The following FAT3 variants were observed in gnomAD, a reference collection of about 807,000 sequenced individuals.
FAT3 encodes the protein protocadherin Fat 3.
In FAT3, 95 loss-of-function variants were observed where a neutral mutation model predicts 310.2. That is an observed-to-expected ratio of 0.31 (90% CI 0.26 to 0.36). The LOEUF is 0.36. FAT3 is among the 10% of genes least tolerant of loss of function. The pLI is 1.00. For synonymous variants in FAT3, 2,314 were observed against 2,192.9 expected (o/e 1.06, Z -1.54); for missense variants, 5,408 against 5,715.6 (o/e 0.95, Z 1.74).
At chr11:92,882,444 C>G (rs902777833) in intron 23 of FAT3, among the ~76,000 whole-genome samples, 1 of 152,154 alleles carries the variant, frequency 6.6e-6, no homozygotes, top group African/African-American at 2.4e-5. Context: ...CTCCTCTCCT[C>G]TCCCACCTCA....
At position 92,880,805 on chromosome 11, in the gene FAT3, C is replaced by T. The variant is rs267603245; in HGVS notation, c.12202C>T (p.Pro4068Ser). The change falls in exon 23 of 28, where the codon CCC becomes TCC. Residue 4068 changes from proline to serine, a missense_variant. Pro to Ser is a moderately conservative substitution (Grantham distance 74). Coordinates refer to ENST00000525166, the MANE Select transcript of FAT3 (RefSeq NM_001367949.2). The part of the protein sequence containing the change: ...ESEITACFPN[P>S]CRNGGSCDPI... The stretch of plus-strand genomic sequence containing the variant: ...TGAGATTACAGCCTGCTTCCCAAAC[C>T]CCTGCCGGAATGGAGGATCCTGCGA... 3 of 1,613,912 alleles carry T rather than the reference C, an allele frequency of 1.9e-6. No homozygotes were observed. Among genetic ancestry groups the T allele is most frequent in the Non-Finnish European group, 2.5e-6 (3 of 1,179,866 alleles).
chr11:92,416,899 AGAT>A (rs898046432), intron 2 of FAT3, among the ~76,000 whole-genome samples: 3 of 152,180 alleles, frequency 2.0e-5, no homozygotes, highest in African/African-American at 4.8e-5. Context: ...TGGTTGGAGC[AGAT>A]GATGATGAGC....
intron 2 of FAT3, among the ~76,000 whole-genome samples, chr11:92,500,196 T>A (rs1952893502): frequency 6.6e-6 from 1 of 152,044 alleles, no homozygotes; most frequent in Non-Finnish European, 1.5e-5. Flanking sequence ...GTCACACATA[T>A]CATATATTTA....
intron 3 of FAT3, among the ~76,000 whole-genome samples, chr11:92,674,182 A>AAATAATAAT (rs550101493): frequency 0.058 from 8,240 of 140,886 alleles, 286 homozygotes; most frequent in Non-Finnish European, 0.079. Context: ...CTCCATCTCA[A>AAATAATAAT]AATAATAATA....
intron 3 of FAT3, among the ~76,000 whole-genome samples, chr11:92,649,893 A>ATATATATG (rs1446181677): frequency 6.6e-5 from 4 of 60,854 alleles, no homozygotes; most frequent in African/African-American, 2.4e-4. Context: ...ATATATATAT[A>ATATATATG]TATATATATA....
At chr11:92,296,023 A>G (rs1946837872) in intron 1 of FAT3, among the ~76,000 whole-genome samples, 1 of 152,064 alleles carries the variant, frequency 6.6e-6, no homozygotes, top group South Asian at 2.1e-4. Flanking sequence ...GATAGAAGCT[A>G]AGACTAGAGG....
chr11:92,610,571 A>T (rs1940515606), intron 3 of FAT3, among the ~76,000 whole-genome samples: 1 of 152,126 alleles, frequency 6.6e-6, no homozygotes, highest in Non-Finnish European at 1.5e-5. Context: ...CAGGCTTCAG[A>T]GATCCCTCCT....
At chr11:92,441,751 T>A (rs1951068309) in intron 2 of FAT3, among the ~76,000 whole-genome samples, 1 of 152,116 alleles carries the variant, frequency 6.6e-6, no homozygotes, top group Non-Finnish European at 1.5e-5. Context: ...CAAGCCTAAG[T>A]GGACCTAGGT....
At chr11:92,707,293 A>G (rs1347846593) in intron 4 of FAT3, among the ~76,000 whole-genome samples, 6 of 152,180 alleles carry the variant, frequency 3.9e-5, no homozygotes, top group Admixed American at 3.9e-4. Context: ...CTGCTCACCC[A>G]TGGTGCACAG....
At chr11:92,864,108 G>T (rs777773677) in intron 21 of FAT3, among the ~76,000 whole-genome samples, 9 of 152,212 alleles carry the variant, frequency 5.9e-5, no homozygotes, top group African/African-American at 2.2e-4. Context: ...ATGTTCTTCA[G>T]TTATAGAACT....
chr11:92,543,710 C>A (rs1214406015), intron 3 of FAT3, among the ~76,000 whole-genome samples: 1 of 152,172 alleles, frequency 6.6e-6, no homozygotes, highest in Non-Finnish European at 1.5e-5. Context: ...CAGAAGTAAG[C>A]TAAATTCAAC....
intron 2 of FAT3, among the ~76,000 whole-genome samples, chr11:92,486,360 ATTTTGTTGTCC>A (rs1043792803): frequency 2.0e-5 from 3 of 151,358 alleles, no homozygotes; most frequent in African/African-American, 7.3e-5. Flanking sequence ...TTGGAGGCAC[ATTTTGTTGTCC>A]TTTTTTTTTA....
At chr11:92,697,536 G>T in intron 4 of FAT3, 91 bp downstream of exon 4, 1 of 1,198,482 alleles carries the variant, frequency 8.3e-7, no homozygotes. Flanking sequence ...CAATATATTT[G>T]AACAGTGGAT....
intron 3 of FAT3, among the ~76,000 whole-genome samples, chr11:92,667,503 A>T (rs985582591): frequency 6.6e-6 from 1 of 152,158 alleles, no homozygotes; most frequent in African/African-American, 2.4e-5. Context: ...TTCCTTTAGG[A>T]TAAAGGCCAT....
chr11:92,767,397 C>G (rs1048130916), intron 6 of FAT3, among the ~76,000 whole-genome samples: 5 of 152,124 alleles, frequency 3.3e-5, no homozygotes, highest in Non-Finnish European at 5.9e-5. Flanking sequence ...ACTCCAGTGT[C>G]CAAGCACCTC....
At position 92,330,999 on chromosome 11, in the gene FAT3, TGTGTGAGAGAGAGA is replaced by T. The variant is rs1330130489; in HGVS notation, c.-17-21095_-17-21082del. Among the ~76,000 whole-genome samples the T allele has an allele frequency of 8.1e-3, 959 of 117,930 alleles. 14 individuals carry two copies. Among genetic ancestry groups the T allele is most frequent in the African/African-American group, 0.052 (901 of 17,408 alleles). 77.4% of individuals were successfully genotyped at this position (117,930 alleles called of 152,430 possible). A position where few individuals can be genotyped will look rare whatever the true frequency, so the allele number is the denominator to read the frequency against. ...GTGTGTGTGTGTGTGTGTGTGTGTG[TGTGTGAGAGAGAGA>T]GAGAGAGAAACATTTACAGCTTTTC... On this transcript the variant is annotated intron_variant, in intron 1 of 27. Transcript: ENST00000525166.
chr11:92,445,887 T>TCAC (rs1951197837), intron 2 of FAT3, among the ~76,000 whole-genome samples: 1 of 152,134 alleles, frequency 6.6e-6, no homozygotes, highest in African/African-American at 2.4e-5. Flanking sequence ...TGGTGTTTTG[T>TCAC]AGTTATGACC....
chr11:92,414,705 G>T (rs1445363618), intron 2 of FAT3, among the ~76,000 whole-genome samples: 1 of 152,116 alleles, frequency 6.6e-6, no homozygotes, highest in Non-Finnish European at 1.5e-5. Context: ...TCTTGTCGCT[G>T]GGCTTTTAAA....
intron 3 of FAT3, among the ~76,000 whole-genome samples, chr11:92,566,909 C>T (rs951550071): frequency 2.6e-5 from 4 of 152,072 alleles, no homozygotes; most frequent in South Asian, 2.1e-4. Flanking sequence ...AAGACTTAAA[C>T]GTTAGACCTA....
Sources: gnomAD v4.1 joint callset for allele counts (sites outside exome capture counted in the v4.1 genomes callset) on GRCh38, gnomAD v4.1.1 for gene constraint, MANE v1.5 for transcripts, NCBI Gene and HGNC (gene_info 2026-07-23, HGNC 2026-07-21) for gene names.